FSIP1: variants seen among roughly 807,000 people sequenced by gnomAD.
The protein encoded by FSIP1 is fibrous sheath-interacting protein 1.
A neutral mutation model predicts 60.9 loss-of-function variants in FSIP1; 65 were observed. The ratio of observed to expected loss-of-function variants is 1.07; its 90% CI spans 0.87 to 1.31. The LOEUF (loss-of-function observed/expected upper bound fraction) is 1.31. Among genes scored for constraint, FSIP1 ranks in the 40% most tolerant of loss-of-function variants. The pLI is 0.00. For missense variants in FSIP1, 675 were observed against 665.5 expected (o/e 1.01, Z -0.16); for synonymous variants, 209 against 221.2 (o/e 0.94, Z 0.49).
intron 10 of FSIP1, among the ~76,000 whole-genome samples, chr15:39,697,144 C>A (rs1253768815): frequency 2.0e-5 from 3 of 152,202 alleles, no homozygotes; most frequent in South Asian, 4.1e-4. Context: ...AAAGAGAAAT[C>A]TTTTAACAAA....
chr15:39,701,849 G>A (rs72727034), intron 10 of FSIP1, among the ~76,000 whole-genome samples: 3,640 of 152,226 alleles, frequency 0.024, 49 homozygotes, highest in Middle Eastern at 0.058. Context: ...GTCCTCTACC[G>A]TGGATTCAAG....
chr15:39,688,149 C>T (rs1894456704), intron 10 of FSIP1, among the ~76,000 whole-genome samples: 1 of 152,292 alleles, frequency 6.6e-6, no homozygotes, highest in South Asian at 2.1e-4. Flanking sequence ...TCGATGCAAT[C>T]GTATGCATTC....
intron 11 of FSIP1, among the ~76,000 whole-genome samples, chr15:39,608,042 A>C (rs998052438): frequency 6.6e-6 from 1 of 152,258 alleles, no homozygotes; most frequent in Non-Finnish European, 1.5e-5. Flanking sequence ...TTTTAGAATA[A>C]AATTGATCAG....
At position 39,739,731 on chromosome 15, in the gene FSIP1, G is replaced by A. The variant is rs1896741466; in HGVS notation, c.714C>T (p.Phe238=). The change falls in exon 7 of 12, where the codon TTC becomes TTT. Residue 238 remains phenylalanine, a synonymous_variant. Coordinates refer to ENST00000350221, the MANE Select transcript of FSIP1 (RefSeq NM_152597.5). ...TGAGCTCAATCTTTTCTGTATTCGA[G>A]AAAGGTTTCTTTCCTGATTTGATCA... ...ESLIKSGKKP[F]SNTEKIELRG... is the part of the protein sequence containing the mutation. 5 of 1,598,348 alleles carry A rather than the reference G, an allele frequency of 3.1e-6. No homozygotes were observed. Among genetic ancestry groups the A allele is most frequent in the South Asian group, 2.3e-5 (2 of 87,550 alleles).
At chr15:39,685,555 A>G (rs1177725510) in intron 10 of FSIP1, among the ~76,000 whole-genome samples, 2 of 152,196 alleles carry the variant, frequency 1.3e-5, no homozygotes, top group Non-Finnish European at 2.9e-5. Flanking sequence ...GATCTCTATC[A>G]CTAATTGTTT....
intron 4 of FSIP1, among the ~76,000 whole-genome samples, chr15:39,764,503 C>T (rs1205466705): frequency 1.3e-5 from 2 of 152,150 alleles, no homozygotes; most frequent in Admixed American, 6.5e-5. Context: ...AGAAGTCAGT[C>T]AACTGTTCAA....
chr15:39,696,035 T>A (rs892828572), intron 10 of FSIP1, among the ~76,000 whole-genome samples: 7 of 152,216 alleles, frequency 4.6e-5, no homozygotes, highest in Non-Finnish European at 7.3e-5. Flanking sequence ...CTAGAGATGA[T>A]GCAGGGCTTA....
chr15:39,668,772 A>C lies in FSIP1; in HGVS notation c.1188+44672T>G, dbSNP rs80020790. 3.3e-3 allele frequency among the ~76,000 whole-genome samples: 495 copies of C among 152,292 alleles called. 3 individuals are homozygous for C. The highest frequency in any genetic ancestry group is 0.011 in the African/African-American group (475 of 41,558). ...TTACCACACTAGTTCTCAAGTAGCT[A>C]CAATTCCTTCGCCTCGCTTTTTCTT... On this transcript the variant is annotated intron_variant, in intron 10 of 11. Coordinates refer to ENST00000350221, the MANE Select transcript of FSIP1 (RefSeq NM_152597.5).
At chr15:39,632,889 A>C (rs1176352936) in intron 10 of FSIP1, among the ~76,000 whole-genome samples, 1 of 152,180 alleles carries the variant, frequency 6.6e-6, no homozygotes, top group African/African-American at 2.4e-5. Flanking sequence ...TTTTAACTTC[A>C]AGTAGGCAGG....
chr15:39,620,913 T>G (rs1054437916), intron 10 of FSIP1, among the ~76,000 whole-genome samples: 97 of 151,736 alleles, frequency 6.4e-4, no homozygotes, highest in African/African-American at 2.3e-3. Context: ...GCCCAAATTT[T>G]TTAATAAAAA....
intron 10 of FSIP1, among the ~76,000 whole-genome samples, chr15:39,623,264 G>A (rs1175819654): frequency 6.6e-6 from 1 of 152,124 alleles, no homozygotes; most frequent in Non-Finnish European, 1.5e-5. Flanking sequence ...TCTTGACAAG[G>A]CAATCAAGAT....
downstream of FSIP1, among the ~76,000 whole-genome samples, chr15:39,599,673 C>T (rs2140355992): frequency 6.6e-6 from 1 of 152,284 alleles, no homozygotes; most frequent in East Asian, 1.9e-4. Context: ...CAAATTCTCA[C>T]CCATATCACC....
chr15:39,701,876 T>G (rs749777231), intron 10 of FSIP1, among the ~76,000 whole-genome samples: 1 of 152,170 alleles, frequency 6.6e-6, no homozygotes, highest in African/African-American at 2.4e-5. Flanking sequence ...CAGTTTTATT[T>G]GTGGGAATTT....
chr15:39,769,400 A>G (rs1387703095), intron 3 of FSIP1, among the ~76,000 whole-genome samples: 3 of 152,228 alleles, frequency 2.0e-5, no homozygotes, highest in Non-Finnish European at 4.4e-5. Flanking sequence ...GGCAACAAAT[A>G]CTGTCAGTAG....
At chr15:39,648,479 A>G (rs1220373313) in intron 10 of FSIP1, among the ~76,000 whole-genome samples, 1 of 152,224 alleles carries the variant, frequency 6.6e-6, no homozygotes, top group African/African-American at 2.4e-5. Flanking sequence ...TCTCCAGGTG[A>G]TTCTCATCTG....
At chr15:39,729,604 G>A (rs539522174) in intron 8 of FSIP1, among the ~76,000 whole-genome samples, 36 of 152,070 alleles carry the variant, frequency 2.4e-4, no homozygotes, top group African/African-American at 6.3e-4. Flanking sequence ...ACATGCATGC[G>A]TATGTTCATC....
At chr15:39,686,583 G>T (rs1400665932) in intron 10 of FSIP1, among the ~76,000 whole-genome samples, 1 of 152,244 alleles carries the variant, frequency 6.6e-6, no homozygotes. Context: ...GTGAGCAAAG[G>T]CTGTGACTAA....
intron 8 of FSIP1, among the ~76,000 whole-genome samples, chr15:39,732,955 C>T (rs1896465960): frequency 6.6e-6 from 1 of 152,186 alleles, no homozygotes; most frequent in Non-Finnish European, 1.5e-5. Flanking sequence ...TAACATTTGT[C>T]ACCATCCATC....
At chr15:39,665,552 G>A (rs75829856) in intron 10 of FSIP1, among the ~76,000 whole-genome samples, 1,746 of 152,152 alleles carry the variant, frequency 0.011, 30 homozygotes, top group African/African-American at 0.039. Flanking sequence ...ATGAGAAAAC[G>A]GAAAATGGTT....
Sources: allele counts gnomAD v4.1 joint callset (sites outside exome capture counted in the v4.1 genomes callset), GRCh38; gene constraint gnomAD v4.1.1; transcripts MANE v1.5; gene names NCBI Gene and HGNC (gene_info 2026-07-23, HGNC 2026-07-21).